The following CADM2 variants were observed in gnomAD, a reference collection of about 807,000 sequenced individuals.
CADM2 encodes immunoglobulin superfamily member 4D.
A neutral mutation model predicts 49.8 loss-of-function variants in CADM2; 12 were observed. The observed-to-expected ratio is 0.24, with a 90% CI of 0.15 to 0.39. The LOEUF (loss-of-function observed/expected upper bound fraction) is 0.39, where lower values mean the gene tolerates loss of function less well. Ranked by LOEUF, CADM2 falls within the 10% of genes least tolerant of loss-of-function variation. The pLI, the probability that CADM2 is intolerant of heterozygous loss-of-function variation, is 1.00. For missense variants in CADM2, 378 were observed against 492.3 expected, an observed-to-expected ratio of 0.77 and a Z score of 2.20; for synonymous variants, 214 against 175.4, an observed-to-expected ratio of 1.22 and a Z score of -1.74.
At chr3:85,158,678 C>T (rs533741746) in intron 1 of CADM2, among the ~76,000 whole-genome samples, 2 of 151,942 alleles carry the variant, frequency 1.3e-5, no homozygotes, top group Non-Finnish European at 2.9e-5. Flanking sequence ...ACATCACACT[C>T]TGGGGATTGT....
intron 1 of CADM2, among the ~76,000 whole-genome samples, chr3:85,523,397 T>A (rs539141686): frequency 6.6e-6 from 1 of 152,178 alleles, no homozygotes; most frequent in South Asian, 2.1e-4. Context: ...TTTGTAAAAA[T>A]TCGTTAATAA....
intron 1 of CADM2, among the ~76,000 whole-genome samples, chr3:85,231,622 T>C (rs2042290562): frequency 6.6e-6 from 1 of 151,384 alleles, no homozygotes; most frequent in Non-Finnish European, 1.5e-5. Flanking sequence ...AAAAGAGATA[T>C]AGATGGATAG....
At chr3:86,023,783 A>G (rs1331493815) in intron 8 of CADM2, among the ~76,000 whole-genome samples, 1 of 152,130 alleles carries the variant, frequency 6.6e-6, no homozygotes, top group Non-Finnish European at 1.5e-5. Flanking sequence ...GACACTGTTT[A>G]CCTGGAAATA....
At chr3:85,727,991 A>G (rs941069036) in intron 2 of CADM2, among the ~76,000 whole-genome samples, 12 of 152,290 alleles carry the variant, frequency 7.9e-5, no homozygotes, top group African/African-American at 2.9e-4. Flanking sequence ...AGATGATGCA[A>G]TAGACAATGG....
intron 1 of CADM2, among the ~76,000 whole-genome samples, chr3:85,167,618 G>C (rs1003960565): frequency 2.4e-4 from 37 of 152,062 alleles, no homozygotes; most frequent in Admixed American, 1.5e-3. Flanking sequence ...AATCTAAAAT[G>C]AATACCCTTA....
intron 8 of CADM2, among the ~76,000 whole-genome samples, chr3:85,991,018 A>C (rs1256093756): frequency 6.6e-6 from 1 of 152,196 alleles, no homozygotes; most frequent in Non-Finnish European, 1.5e-5. Context: ...GAAAAGGAAC[A>C]ATCTATCACC....
chr3:85,365,141 T>C (rs7627971), intron 1 of CADM2, among the ~76,000 whole-genome samples: 96,073 of 147,514 alleles, frequency 0.65, 32,238 homozygotes, highest in East Asian at 0.81. Flanking sequence ...TTAAAAAAAT[T>C]ATACTACCTA....
rs573082791 is a variant in CADM2, at chr3:85,177,714, T to C, written c.61+218046T>C. Among the ~76,000 whole-genome samples, 6 of 152,022 alleles carry C rather than the reference T, an allele frequency of 3.9e-5. No individual in the cohort carries two copies. The South Asian group carries it at 1.2e-3, about 32-fold the overall frequency. On this transcript the variant is annotated intron_variant, in intron 1 of 9. Transcript: ENST00000383699. ...CTACTTACAGTAAAATAACCCAAGG[T>C]AAAATTATATCTAACATAAAAAGTA... is the stretch of plus-strand genomic sequence containing the variant.
At chr3:85,642,754 G>A (rs779182818) in intron 1 of CADM2, among the ~76,000 whole-genome samples, 3 of 152,116 alleles carry the variant, frequency 2.0e-5, no homozygotes, top group Admixed American at 2.0e-4. Flanking sequence ...ATTATTCAGT[G>A]CAGTACAGTC....
At chr3:85,109,808 A>G (rs2107566129) in intron 1 of CADM2, among the ~76,000 whole-genome samples, 1 of 152,142 alleles carries the variant, frequency 6.6e-6, no homozygotes, top group African/African-American at 2.4e-5. Context: ...TTCACCATGT[A>G]TAATCAACTA....
intron 1 of CADM2, among the ~76,000 whole-genome samples, chr3:85,667,263 T>A (rs560646484): frequency 1.6e-4 from 25 of 152,174 alleles, no homozygotes; most frequent in Admixed American, 9.8e-4. Context: ...TTTGTAAAAA[T>A]TATTTTTAAA....
intron 1 of CADM2, among the ~76,000 whole-genome samples, chr3:84,996,931 T>C (rs1304016440): frequency 6.6e-6 from 1 of 152,128 alleles, no homozygotes; most frequent in Non-Finnish European, 1.5e-5. Context: ...GTGTAAATGC[T>C]ACTCTTATTG....
chr3:85,785,963 T>A (rs187540176), intron 2 of CADM2, among the ~76,000 whole-genome samples: 24 of 152,208 alleles, frequency 1.6e-4, no homozygotes, highest in African/African-American at 5.5e-4. Context: ...TGATTTGAAT[T>A]GCAAAGATGA....
At chr3:85,356,404 T>A (rs1053863534) in intron 1 of CADM2, among the ~76,000 whole-genome samples, 1 of 152,056 alleles carries the variant, frequency 6.6e-6, no homozygotes, top group Non-Finnish European at 1.5e-5. Flanking sequence ...TTTGTAGCTG[T>A]TGCACAGAAT....
intron 1 of CADM2, among the ~76,000 whole-genome samples, chr3:85,630,061 A>C (rs976979357): frequency 1.3e-5 from 2 of 152,002 alleles, no homozygotes; most frequent in Admixed American, 6.6e-5. Context: ...AAACAGGTGT[A>C]ATATTTTTGA....
chr3:85,742,468 C>T (rs2107830385), intron 2 of CADM2, among the ~76,000 whole-genome samples: 1 of 151,932 alleles, frequency 6.6e-6, no homozygotes, highest in South Asian at 2.1e-4. Flanking sequence ...CATGATGGAC[C>T]CTTAAGATAA....
intron 1 of CADM2, among the ~76,000 whole-genome samples, chr3:85,596,330 C>A (rs1559932877): frequency 6.6e-6 from 1 of 151,258 alleles, no homozygotes; most frequent in Non-Finnish European, 1.5e-5. Flanking sequence ...AAATTTAGAC[C>A]ATAAATGAAA....
chr3:85,002,181 A>G (rs940809764), intron 1 of CADM2, among the ~76,000 whole-genome samples: 1 of 152,008 alleles, frequency 6.6e-6, no homozygotes, highest in Non-Finnish European at 1.5e-5. Context: ...ATTACTGTCG[A>G]TATCAATTGT....
At chr3:86,026,339 A>AT (rs142941680) in intron 8 of CADM2, among the ~76,000 whole-genome samples, 7,842 of 146,554 alleles carry the variant, frequency 0.054, 247 homozygotes, top group African/African-American at 0.083. Flanking sequence ...CAACTATGCC[A>AT]TTTTTTTTTT....
Sources: allele counts gnomAD v4.1 joint callset (sites outside exome capture counted in the v4.1 genomes callset), GRCh38; gene constraint gnomAD v4.1.1; transcripts MANE v1.5; gene names NCBI Gene and HGNC (gene_info 2026-07-23, HGNC 2026-07-21).